The following RBFOX1 variants were observed in gnomAD, a reference collection of about 807,000 sequenced individuals.
The protein encoded by RBFOX1 is RNA binding protein fox-1 homolog 1.
In RBFOX1, 8 loss-of-function variants were observed where a neutral mutation model predicts 57.7. That is an observed-to-expected ratio of 0.14 (90% CI 0.08 to 0.25). The LOEUF is 0.25. Ranked by LOEUF, RBFOX1 falls within the 10% of genes least tolerant of loss-of-function variation. The pLI, the probability that RBFOX1 is intolerant of heterozygous loss-of-function variation, is 1.00. For synonymous variants in RBFOX1, 326 were observed against 222.4 expected, an observed-to-expected ratio of 1.47 and a Z score of -4.15; for missense variants, 611 against 548.5, an observed-to-expected ratio of 1.11 and a Z score of -1.14.
At chr16:7,280,379 T>C (rs956433168) in intron 4 of RBFOX1, among the ~76,000 whole-genome samples, 3 of 152,162 alleles carry the variant, frequency 2.0e-5, no homozygotes, top group African/African-American at 7.2e-5. Context: ...AACCTGTTGG[T>C]TAAGAAAGAC....
intron 1 of RBFOX1, among the ~76,000 whole-genome samples, chr16:5,341,432 A>T (rs572766661): frequency 6.6e-6 from 1 of 152,142 alleles, no homozygotes; most frequent in Non-Finnish European, 1.5e-5. Flanking sequence ...TCGTGGCTAT[A>T]ATGGAGTTGG....
At chr16:7,511,282 T>A (rs576883773) in intron 4 of RBFOX1, among the ~76,000 whole-genome samples, 23 of 152,336 alleles carry the variant, frequency 1.5e-4, no homozygotes, top group Non-Finnish European at 3.2e-4. Context: ...CCACTCTTGT[T>A]TCTCTTGTTA....
intron 1 of RBFOX1, among the ~76,000 whole-genome samples, chr16:6,237,083 G>C (rs376702864): frequency 2.0e-5 from 3 of 152,118 alleles, no homozygotes; most frequent in Non-Finnish European, 4.4e-5. Flanking sequence ...GGAAGTCTTC[G>C]GGTTTGCTTT....
intron 4 of RBFOX1, among the ~76,000 whole-genome samples, chr16:5,929,479 A>T (rs937914698): frequency 4.6e-5 from 7 of 152,166 alleles, no homozygotes; most frequent in African/African-American, 1.7e-4. Context: ...CTCCTATAAG[A>T]CAGCATGACA....
At chr16:6,675,167 G>T (rs1034678080) in intron 3 of RBFOX1, among the ~76,000 whole-genome samples, 1 of 152,280 alleles carries the variant, frequency 6.6e-6, no homozygotes, top group Non-Finnish European at 1.5e-5. Context: ...GCCTCCCAAA[G>T]TGCTGGGTTT....
At chr16:6,121,735 C>T (rs553591870) in intron 1 of RBFOX1, among the ~76,000 whole-genome samples, 12 of 152,178 alleles carry the variant, frequency 7.9e-5, no homozygotes, top group African/African-American at 2.9e-4. Context: ...CTACATTTAC[C>T]AGCTGGGTGA....
intron 2 of RBFOX1, among the ~76,000 whole-genome samples, chr16:5,540,392 C>G (rs900137634): frequency 1.9e-4 from 29 of 152,222 alleles, no homozygotes; most frequent in Non-Finnish European, 4.4e-5. Context: ...GTGTTTCACA[C>G]TTACTTGACC....
intron 1 of RBFOX1, among the ~76,000 whole-genome samples, chr16:6,152,217 AATTAATAGTGGCT>A (rs1251685579): frequency 2.6e-5 from 4 of 152,332 alleles, no homozygotes; most frequent in African/African-American, 9.6e-5. Flanking sequence ...GGAATAACAT[AATTAATAGTGGCT>A]TTGATAATTA....
chr16:5,468,179 A>C (rs377276996), intron 2 of RBFOX1, among the ~76,000 whole-genome samples: 73 of 152,298 alleles, frequency 4.8e-4, no homozygotes, highest in African/African-American at 1.6e-3. Context: ...TTTTAAACAA[A>C]TTGTGTTGAG....
intron 3 of RBFOX1, among the ~76,000 whole-genome samples, chr16:6,789,588 C>G (rs896655187): frequency 4.6e-5 from 7 of 152,144 alleles, no homozygotes; most frequent in South Asian, 2.1e-4. Flanking sequence ...ACAGTGGGGA[C>G]TGTTTGACTC....
chr16:7,425,670 G>C (rs1002346742), intron 4 of RBFOX1, among the ~76,000 whole-genome samples: 7 of 152,112 alleles, frequency 4.6e-5, no homozygotes, highest in African/African-American at 1.4e-4. Context: ...CTGAGAATAA[G>C]CTTGGAAAAT....
chr16:5,415,962 A>T (rs1333541133), intron 1 of RBFOX1, among the ~76,000 whole-genome samples: 2 of 152,198 alleles, frequency 1.3e-5, no homozygotes, highest in Non-Finnish European at 2.9e-5. Context: ...TCAGAGACCA[A>T]TGTGGTGGAG....
At chr16:6,808,522 T>G (rs1377170346) in intron 3 of RBFOX1, among the ~76,000 whole-genome samples, 2 of 152,098 alleles carry the variant, frequency 1.3e-5, no homozygotes, top group Admixed American at 6.6e-5. Flanking sequence ...TCTCTGAGAT[T>G]AAGAGGGACA....
At position 7,299,204 on chromosome 16, in the gene RBFOX1, A is replaced by G. The variant is rs187409117; in HGVS notation, c.28-218943A>G. The stretch of plus-strand genomic sequence containing the variant: ...ATTTCTCCACAGTGATGTCAAATCT[A>G]TATATTATTGATAGGCATTTTATTC... On this transcript the variant is annotated intron_variant, in intron 4 of 15. Transcript: ENST00000550418. 2.5e-3 allele frequency among the ~76,000 whole-genome samples: 375 copies of G among 152,318 alleles called. 3 individuals carry two copies. The highest frequency in any genetic ancestry group is 6.8e-4 in the Non-Finnish European group (46 of 68,032).
At chr16:6,995,747 TGA>T (rs1404713517) in intron 3 of RBFOX1, among the ~76,000 whole-genome samples, 1 of 151,626 alleles carries the variant, frequency 6.6e-6, no homozygotes, top group Admixed American at 6.6e-5. Context: ...GGCCATAGAG[TGA>T]GACTCCATCT....
At chr16:5,389,732 C>T (rs535020990) in intron 1 of RBFOX1, among the ~76,000 whole-genome samples, 1 of 151,854 alleles carries the variant, frequency 6.6e-6, no homozygotes, top group Non-Finnish European at 1.5e-5. Flanking sequence ...GAGTCTCTCA[C>T]TGTTGCCCAG....
chr16:6,148,148 G>A (rs2096772456), intron 1 of RBFOX1, among the ~76,000 whole-genome samples: 2 of 152,178 alleles, frequency 1.3e-5, no homozygotes, highest in African/African-American at 4.8e-5. Context: ...GGCAAACATG[G>A]TGAAACCCGT....
intron 4 of RBFOX1, chr16:7,431,175 C>T (rs913325230): frequency 6.6e-6 from 1 of 152,116 alleles, no homozygotes; most frequent in African/African-American, 2.4e-5. Context: ...CGTTTGATTC[C>T]TTACCTTAAC....
At chr16:7,498,251 G>C (rs538887621) in intron 4 of RBFOX1, among the ~76,000 whole-genome samples, 1 of 152,228 alleles carries the variant, frequency 6.6e-6, no homozygotes, top group South Asian at 2.1e-4. Flanking sequence ...TGGTGCCAAG[G>C]TGGTCACTTG....
Sources: allele counts gnomAD v4.1 joint callset (sites outside exome capture counted in the v4.1 genomes callset), GRCh38; gene constraint gnomAD v4.1.1; transcripts MANE v1.5; gene names NCBI Gene and HGNC (gene_info 2026-07-23, HGNC 2026-07-21).